FAT3: variants seen among roughly 807,000 people sequenced by gnomAD.
The protein encoded by FAT3 is FAT atypical cadherin 3, also known as protocadherin Fat 3.
FAT3 carries 95 observed loss-of-function variants against 310.2 expected under a neutral mutation model. The observed-to-expected ratio is 0.31, with a 90% CI of 0.26 to 0.36. The LOEUF (loss-of-function observed/expected upper bound fraction) is 0.36. Among genes scored for constraint, FAT3 ranks in the 10% least tolerant of loss-of-function variants. The pLI is 1.00. For missense variants in FAT3, 5,408 were observed against 5,715.6 expected (o/e 0.95, Z 1.74); for synonymous variants, 2,314 against 2,192.9 (o/e 1.06, Z -1.54).
At chr11:92,381,193 G>A (rs957555310) in intron 2 of FAT3, among the ~76,000 whole-genome samples, 2 of 152,170 alleles carry the variant, frequency 1.3e-5, no homozygotes, top group African/African-American at 4.8e-5. Flanking sequence ...TTAGGCACTG[G>A]AACTTCTTTT....
intron 3 of FAT3, among the ~76,000 whole-genome samples, chr11:92,630,671 C>T (rs892599869): frequency 6.6e-6 from 1 of 152,210 alleles, no homozygotes; most frequent in Non-Finnish European, 1.5e-5. Flanking sequence ...TTATCAAACC[C>T]TTCCAATTTT....
At chr11:92,815,436 G>A (rs1947798058) in intron 13 of FAT3, among the ~76,000 whole-genome samples, 1 of 152,026 alleles carries the variant, frequency 6.6e-6, no homozygotes, top group Admixed American at 6.6e-5. Context: ...CGCCGGGCGT[G>A]GCAGTGGGCA....
chr11:92,683,736 T>C (rs568578), intron 3 of FAT3, among the ~76,000 whole-genome samples: 87,256 of 152,024 alleles, frequency 0.57, 26,904 homozygotes, highest in African/African-American at 0.81. Flanking sequence ...CAAAATGGCC[T>C]ATGAGACTAT....
Position 92,354,630 on chromosome 11 carries a change from A to G in FAT3, c.2518A>G (p.Ile840Val), listed in dbSNP as rs1034106290. ...TATTCAAGACAGTTACTCAGTTAAC[A>G]TTCTTGAAAGTTCAGGCATTGGTAC... ...VFIQDSYSVN[I>V]LESSGIGTEI... The change falls in exon 2 of 28, where the codon ATT becomes GTT. Residue 840 changes from isoleucine to valine, a missense_variant. Ile to Val is a conservative substitution (Grantham distance 29). Around this residue, in one of 5 missense-constraint regions of FAT3, gnomAD observed 4,588 missense variants for 4,809.8 expected, o/e 0.95. Transcript: ENST00000525166. 1 of 1,613,750 alleles carries G rather than the reference A, an allele frequency of 6.2e-7. No individual in the cohort carries two copies. Among genetic ancestry groups the G allele is most frequent in the Non-Finnish European group, 8.5e-7 (1 of 1,179,878 alleles).
At chr11:92,721,089 C>T (rs1342532453) in intron 4 of FAT3, among the ~76,000 whole-genome samples, 3 of 152,210 alleles carry the variant, frequency 2.0e-5, no homozygotes, top group South Asian at 2.1e-4. Context: ...TGTTCTCCCT[C>T]CCCCAATCCC....
intron 4 of FAT3, among the ~76,000 whole-genome samples, chr11:92,736,439 G>A (rs1228388167): frequency 6.6e-6 from 1 of 152,130 alleles, no homozygotes; most frequent in Non-Finnish European, 1.5e-5. Flanking sequence ...GATTCAGTAG[G>A]ACCCAATTAC....
At chr11:92,810,311 A>G (rs1947634550) in intron 13 of FAT3, among the ~76,000 whole-genome samples, 1 of 152,172 alleles carries the variant, frequency 6.6e-6, no homozygotes, top group South Asian at 2.1e-4. Flanking sequence ...GAAGTCTTTT[A>G]CCTTTTAGCA....
At chr11:92,312,695 T>C (rs1360555285) in intron 1 of FAT3, among the ~76,000 whole-genome samples, 1 of 152,164 alleles carries the variant, frequency 6.6e-6, no homozygotes, top group African/African-American at 2.4e-5. Context: ...CTTGAGCCAG[T>C]AGGAGCGTGC....
At position 92,530,370 on chromosome 11, in the gene FAT3, A is replaced by C. The variant is rs538240915; in HGVS notation, c.3607+5422A>C. Among the ~76,000 whole-genome samples the C allele has an allele frequency of 3.3e-5, 5 of 152,256 alleles. No individual in the cohort carries two copies. In the East Asian group the frequency reaches 9.7e-4, roughly 30 times the overall value. On this transcript the variant is annotated intron_variant, in intron 3 of 27. Transcript: ENST00000525166. ...TATGAAACAAATGAGGGAGGTAACAAGGTGCCCAGAGACACCTGAGGACAA... is the reference window on the plus strand; with the variant it reads ...TATGAAACAAATGAGGGAGGTAACACGGTGCCCAGAGACACCTGAGGACAA...
In FAT3 at chr11:92,864,398, T is replaced by C. The variant is rs183311750; in HGVS notation, c.11659-2343T>C. Among the ~76,000 whole-genome samples, 30 of 152,308 alleles carry C rather than the reference T, an allele frequency of 2.0e-4. No individual in the cohort carries two copies. The East Asian group carries it at 3.7e-3, about 19-fold the overall frequency. ...AAAGTCACATTTGATGATTTATTACTTACATTAAAATACAAATATGGAAAT... is the reference window on the plus strand; with the variant it reads ...AAAGTCACATTTGATGATTTATTACCTACATTAAAATACAAATATGGAAAT... On this transcript the variant is annotated intron_variant, in intron 21 of 27. Transcript: ENST00000525166.
chr11:92,855,366 T>G (rs3900576), intron 19 of FAT3, among the ~76,000 whole-genome samples: 125,664 of 152,134 alleles, frequency 0.83, 52,169 homozygotes, highest in South Asian at 0.9. Context: ...AGACAGAATT[T>G]TTCCTCCTCT....
chr11:92,873,945 C>G (rs751945582), intron 22 of FAT3, among the ~76,000 whole-genome samples: 1 of 152,078 alleles, frequency 6.6e-6, no homozygotes, highest in Non-Finnish European at 1.5e-5. Flanking sequence ...CTCGTGAAAC[C>G]CATCTTATTG....
chr11:92,563,570 T>A (rs1955309836), intron 3 of FAT3, among the ~76,000 whole-genome samples: 1 of 152,132 alleles, frequency 6.6e-6, no homozygotes, highest in South Asian at 2.1e-4. Flanking sequence ...ACTTACTCAT[T>A]TTCACTGAGA....
At chr11:92,856,519 A>G (rs1393830500) in intron 19 of FAT3, among the ~76,000 whole-genome samples, 2 of 152,166 alleles carry the variant, frequency 1.3e-5, no homozygotes, top group Admixed American at 1.3e-4. Flanking sequence ...GCTTTCCAGG[A>G]TTTCCCTTCT....
intron 18 of FAT3, among the ~76,000 whole-genome samples, chr11:92,842,903 CAAAT>C (rs922344749): frequency 3.3e-5 from 5 of 152,074 alleles, no homozygotes; most frequent in Admixed American, 6.6e-5. Context: ...AACAAATAAA[CAAAT>C]AAAAATAACA....
intron 19 of FAT3, among the ~76,000 whole-genome samples, chr11:92,855,995 T>TC (rs1365001287): frequency 2.0e-5 from 3 of 151,442 alleles, no homozygotes; most frequent in Admixed American, 1.3e-4. Flanking sequence ...TTTTTTTTTT[T>TC]TTTGAGACAG....
intron 3 of FAT3, among the ~76,000 whole-genome samples, chr11:92,593,387 G>T (rs1316952199): frequency 6.6e-6 from 1 of 151,572 alleles, no homozygotes; most frequent in Non-Finnish European, 1.5e-5. Context: ...TATAGCAGCT[G>T]TGCCATTTTA....
chr11:92,564,550 G>T (rs370487581), intron 3 of FAT3, among the ~76,000 whole-genome samples: 1 of 152,024 alleles, frequency 6.6e-6, no homozygotes, highest in African/African-American at 2.4e-5. Context: ...ATAGACATCT[G>T]CAGAACTCTC....
At chr11:92,811,489 G>T (rs541105515) in intron 13 of FAT3, among the ~76,000 whole-genome samples, 1 of 152,254 alleles carries the variant, frequency 6.6e-6, no homozygotes, top group Non-Finnish European at 1.5e-5. Context: ...GGGTGGAGTG[G>T]GGTGTTACTG....
Sources: allele counts gnomAD v4.1 joint callset (sites outside exome capture counted in the v4.1 genomes callset), GRCh38; gene constraint gnomAD v4.1.1; regional missense constraint gnomAD v4.1.1; transcripts MANE v1.5; gene names NCBI Gene and HGNC (gene_info 2026-07-23, HGNC 2026-07-21).